The following MEMO1 variants were observed in gnomAD, a reference collection of about 807,000 sequenced individuals.
MEMO1 encodes the protein mediator of cell motility 1, also known as protein MEMO1.
MEMO1 carries 6 observed loss-of-function variants against 45.2 expected under a neutral mutation model. The observed-to-expected ratio is 0.13, with a 90% confidence interval of 0.07 to 0.26. MEMO1 has a LOEUF of 0.26. MEMO1 is among the 10% of genes least tolerant of loss of function. The probability of loss-of-function intolerance (pLI) is 1.00; values close to 1 mark genes in which losing one functional copy is unlikely to be tolerated. For synonymous variants in MEMO1, 78 were observed against 124.3 expected (o/e 0.63, Z 2.48); for missense variants, 184 against 370.5 (o/e 0.50, Z 4.13).
chr2:31,978,008 C>T (rs1460550114), intron 2 of MEMO1, among the ~76,000 whole-genome samples: 1 of 152,122 alleles, frequency 6.6e-6, no homozygotes, highest in Non-Finnish European at 1.5e-5. Context: ...GCTCCAACTG[C>T]AGAGTCAGCT....
intron 3 of MEMO1, among the ~76,000 whole-genome samples, chr2:31,933,346 AAAATTTATATAT>A (rs1664476886): frequency 3.5e-4 from 9 of 25,508 alleles, no homozygotes; most frequent in African/African-American, 1.3e-3. Context: ...AAAAAAAAAA[AAAATTTATATAT>A]ATATATATAT....
At chr2:31,992,985 A>C (rs1021147389) in intron 2 of MEMO1, among the ~76,000 whole-genome samples, 14 of 152,134 alleles carry the variant, frequency 9.2e-5, no homozygotes, top group African/African-American at 3.4e-4. Context: ...CTGGGAAAAA[A>C]ATGCTTCCAA....
chr2:31,942,328 A>T (rs574138020), intron 3 of MEMO1, among the ~76,000 whole-genome samples: 1 of 152,352 alleles, frequency 6.6e-6, no homozygotes, highest in Non-Finnish European at 1.5e-5. Context: ...TTATAAATTA[A>T]AAATCATCGG....
intron 7 of MEMO1, among the ~76,000 whole-genome samples, chr2:31,883,887 G>T (rs1343892313): frequency 6.7e-6 from 1 of 149,878 alleles, no homozygotes; most frequent in African/African-American, 2.4e-5. Context: ...ACAAAGTTTT[G>T]ATCTCTATTA....
chr2:31,883,584 G>GA (rs1194953980), intron 7 of MEMO1, 122 bp from the exon 8 acceptor site: 3 of 655,354 alleles, frequency 4.6e-6, no homozygotes, highest in East Asian at 5.9e-5. Flanking sequence ...GCCTCTGAGA[G>GA]AATCATTCCC....
intron 6 of MEMO1, among the ~76,000 whole-genome samples, chr2:31,896,932 GT>G (rs1396756142): frequency 6.6e-6 from 1 of 152,158 alleles, no homozygotes; most frequent in African/African-American, 2.4e-5. Context: ...CCTTGAAGAT[GT>G]CCTTCACATC....
At chr2:31,947,817 A>G (rs185224383) in intron 2 of MEMO1, among the ~76,000 whole-genome samples, 262 of 152,158 alleles carry the variant, frequency 1.7e-3, no homozygotes, top group Middle Eastern at 3.4e-3. Flanking sequence ...CTAAATACGC[A>G]CACACACACA....
intron 6 of MEMO1, among the ~76,000 whole-genome samples, chr2:31,909,127 A>G (rs543835254): frequency 5.3e-5 from 8 of 152,338 alleles, no homozygotes; most frequent in Middle Eastern, 6.8e-3. Flanking sequence ...GATAAAGACC[A>G]CATATGACAA....
chr2:32,004,978 C>A (rs1673873591), intron 2 of MEMO1, among the ~76,000 whole-genome samples: 1 of 150,846 alleles, frequency 6.6e-6, no homozygotes, highest in South Asian at 2.1e-4. Flanking sequence ...AATCACTCCA[C>A]CCTAAGGCAT....
At chr2:31,931,784 T>C (rs1353522634) in intron 4 of MEMO1, among the ~76,000 whole-genome samples, 1 of 152,136 alleles carries the variant, frequency 6.6e-6, no homozygotes, top group Non-Finnish European at 1.5e-5. Context: ...AGAATGCTCA[T>C]CTCTGGGTTT....
At chr2:31,923,834 T>C (rs1572695098) in intron 4 of MEMO1, 2 of 1,318,382 alleles carry the variant, frequency 1.5e-6, no homozygotes, top group Non-Finnish European at 2.0e-6. Context: ...GTTCTAACAA[T>C]AGCCAAAAGA....
chr2:31,916,285 G>C (rs1309831274), intron 6 of MEMO1, among the ~76,000 whole-genome samples: 1 of 152,118 alleles, frequency 6.6e-6, no homozygotes, highest in Admixed American at 6.5e-5. Context: ...CTGGAGTGCA[G>C]TGCCATAATC....
intron 5 of MEMO1, among the ~76,000 whole-genome samples, chr2:31,919,251 C>A (rs1478729798): frequency 6.6e-6 from 1 of 151,946 alleles, no homozygotes; most frequent in East Asian, 1.9e-4. Flanking sequence ...GGAGCTCAAG[C>A]CATCCTCCTA....
chr2:31,930,895 G>A (rs570227487), intron 4 of MEMO1, among the ~76,000 whole-genome samples: 64 of 150,780 alleles, frequency 4.2e-4, no homozygotes, highest in African/African-American at 1.3e-3. Flanking sequence ...CTGACCTCAG[G>A]TAATCGGCCC....
chr2:31,973,733 A>G (rs1450225178), intron 2 of MEMO1, among the ~76,000 whole-genome samples: 2 of 152,232 alleles, frequency 1.3e-5, no homozygotes, highest in Non-Finnish European at 2.9e-5. Flanking sequence ...CACATACAAT[A>G]CCATATCATT....
At chr2:31,936,191 T>C (rs1664900202) in intron 3 of MEMO1, among the ~76,000 whole-genome samples, 1 of 152,030 alleles carries the variant, frequency 6.6e-6, no homozygotes, top group Non-Finnish European at 1.5e-5. Context: ...CTTGAACTCC[T>C]GACCTTGTGA....
chr2:31,881,116 C>T (rs1203614391), intron 8 of MEMO1, among the ~76,000 whole-genome samples: 1 of 152,074 alleles, frequency 6.6e-6, no homozygotes, highest in Non-Finnish European at 1.5e-5. Flanking sequence ...GGATCAACAT[C>T]TACTGTACTC....
chr2:31,934,982 G>A (rs899193110), intron 3 of MEMO1, among the ~76,000 whole-genome samples: 5 of 152,170 alleles, frequency 3.3e-5, no homozygotes, highest in African/African-American at 1.2e-4. Flanking sequence ...GGGAGATGAT[G>A]AAAAGGATAA....
intron 4 of MEMO1, among the ~76,000 whole-genome samples, chr2:31,929,279 A>G (rs895263311): frequency 6.6e-6 from 1 of 152,104 alleles, no homozygotes; most frequent in Non-Finnish European, 1.5e-5. Flanking sequence ...GCCTCTAAGT[A>G]CTATGATTTT....
Sources: allele counts gnomAD v4.1 joint callset (sites outside exome capture counted in the v4.1 genomes callset), GRCh38; gene constraint gnomAD v4.1.1; transcripts MANE v1.5; gene names NCBI Gene and HGNC (gene_info 2026-07-23, HGNC 2026-07-21).